VMA21: variants seen among roughly 807,000 people sequenced by gnomAD.
VMA21 encodes vacuolar ATPase assembly integral membrane protein VMA21.
For synonymous variants in VMA21, 47 were observed against 34.1 expected (o/e 1.38, Z -1.32); for missense variants, 61 against 80.6 (o/e 0.76, Z 0.93).
At position 151,405,374 on chromosome X, in the gene VMA21, T is replaced by C. The variant is rs2011279915; in HGVS notation, c.*316T>C. 1 of 193,690 alleles carries C rather than the reference T, an allele frequency of 5.2e-6. No individual in the cohort carries two copies. Among genetic ancestry groups the C allele is most frequent in the Admixed American group, 7.2e-5 (1 of 13,864 alleles). 16.0% of individuals were successfully genotyped at this position (193,690 alleles called of 1,213,427 possible). ...TTATAGTATTCTGACTTACGGTTGC[T>C]TTTGAGTTTTACTCATTTGGATATA... On this transcript the variant is annotated 3_prime_UTR_variant, in exon 3 of 3. Coordinates refer to ENST00000330374, the MANE Select transcript of VMA21 (RefSeq NM_001017980.4).
In VMA21 at chrX:151,404,754, A is replaced by C. The variant is rs568975153; in HGVS notation, c.164-162A>C. On this transcript the variant is annotated intron_variant, in intron 2 of 2. Transcript: ENST00000330374. ...TTCTTAATATATAGAAGGTACTCAT[A>C]TCTTTTAGTGAATACTTTATTCATT... is the stretch of plus-strand genomic sequence containing the variant. Among the ~76,000 whole-genome samples, 84 of 112,134 alleles carry C rather than the reference A, an allele frequency of 7.5e-4. No individual in the cohort carries two copies. The South Asian group carries it at 0.029, about 39-fold the overall frequency.
At chrX:151,398,471 T>G (rs1346039412) in intron 1 of VMA21, among the ~76,000 whole-genome samples, 5 of 111,338 alleles carry the variant, frequency 4.5e-5, no homozygotes, top group Admixed American at 9.6e-5. Context: ...TGTCTTAATT[T>G]GCTTAGAATA....
intron 1 of VMA21, among the ~76,000 whole-genome samples, chrX:151,399,107 A>G (rs1225259516): frequency 8.9e-6 from 1 of 112,288 alleles, no homozygotes; most frequent in Non-Finnish European, 1.9e-5. Context: ...CTAGTTTTCA[A>G]AAGTTTGTAT....
chrX:151,401,735 T>A (rs2011238420), intron 1 of VMA21, among the ~76,000 whole-genome samples: 2 of 111,819 alleles, frequency 1.8e-5, no homozygotes, highest in Admixed American at 1.9e-4. Context: ...ATCGCCTTGG[T>A]TAAATTTATT....
chrX:151,397,195 C>CGCGAACCGCTACTTCCGGT (rs1335933076), upstream of VMA21: 187 of 886,505 alleles, frequency 2.1e-4, no homozygotes, highest in African/African-American at 2.3e-3. Context: ...GCACTTCCGG[C>CGCGAACCGCTACTTCCGGT]GCGAACCGCT....
rs1193684791 is a variant in VMA21, at chrX:151,408,353, T to G, written c.*3295T>G. 8.9e-6 allele frequency: 1 copy of G among 112,245 alleles called. No homozygotes were observed. The highest frequency in any genetic ancestry group is 1.9e-5 in the Non-Finnish European group (1 of 53,284). The allele number at this position is 112,245 out of a possible 1,213,427, so 9.3% of individuals were successfully genotyped here. A position where few individuals can be genotyped will look rare whatever the true frequency, so the allele number is the denominator to read the frequency against. On this transcript the variant is annotated 3_prime_UTR_variant, in exon 3 of 3. Transcript: ENST00000330374. ...AAATCAGTTAAACAAGTAGGGTATA[T>G]ACAAAGAAAGATGAAACCCGAAAGT...
rs575878184 is a variant in VMA21 at position 151,401,922 on chromosome X, A to T, written c.54-1709A>T. 2.9e-4 allele frequency among the ~76,000 whole-genome samples: 31 copies of T among 108,766 alleles called. No homozygotes were observed. In the South Asian group the frequency reaches 0.011, roughly 40 times the overall value. The allele number at this position is 108,766 out of a possible 115,157, so 94.5% of individuals were successfully genotyped here. A position where few individuals can be genotyped will look rare whatever the true frequency, so the allele number is the denominator to read the frequency against. On this transcript the variant is annotated intron_variant, in intron 1 of 2. Transcript: ENST00000330374. ...CCACCATGCCCAGCGAATTATCAAA[A>T]TTTTTTTTTGTAGAGGTGGGGTTTT...
chrX:151,398,911 CA>C (rs2011215988), intron 1 of VMA21, among the ~76,000 whole-genome samples: 1 of 112,404 alleles, frequency 8.9e-6, no homozygotes, highest in Non-Finnish European at 1.9e-5. Context: ...TCTCATTCCT[CA>C]CTTCTAACAA....
At position 151,404,895 on chromosome X, in the gene VMA21, CTG is replaced by C. The variant is rs759922939; in HGVS notation, c.164-19_164-18del. 47 of 1,192,553 alleles carry C rather than the reference CTG, an allele frequency of 3.9e-5. No individual in the cohort carries two copies. The Admixed American group carries it at 4.5e-4, about 11-fold the overall frequency. On this transcript the variant is annotated intron_variant, in intron 2 of 2. Transcript: ENST00000330374. ...GGTAAATTTTGCAATAAAATGGAAA[CTG>C]TTTTTTTTCTCTTGATAGGCGCCCT...
intron 1 of VMA21, 124 bp downstream of exon 1, chrX:151,397,485 A>C: frequency 5.7e-6 from 4 of 701,559 alleles, no homozygotes; most frequent in Non-Finnish European, 8.1e-6. Flanking sequence ...GCCTCAGGGA[A>C]GGGGGCGGGG....
chrX:151,405,261 A>G lies in VMA21; in HGVS notation c.*203A>G, dbSNP rs1286866463. 1 of 352,852 alleles carries G rather than the reference A, an allele frequency of 2.8e-6. No individual in the cohort carries two copies. The highest frequency in any genetic ancestry group is 6.5e-5 in the African/African-American group (1 of 15,457). 29.1% of individuals were successfully genotyped at this position (352,852 alleles called of 1,213,427 possible). A position where few individuals can be genotyped will look rare whatever the true frequency, so the allele number is the denominator to read the frequency against. Reference sequence around the variant, plus strand: ...GTATGAATCTGATTTGCAAATGAGAATTTGGAAAAGTTAGTTACAAAGAAA... The same window carrying G: ...GTATGAATCTGATTTGCAAATGAGAGTTTGGAAAAGTTAGTTACAAAGAAA... On this transcript the variant is annotated 3_prime_UTR_variant, in exon 3 of 3. Coordinates refer to ENST00000330374, the MANE Select transcript of VMA21 (RefSeq NM_001017980.4).
Sources: allele counts gnomAD v4.1 joint callset (sites outside exome capture counted in the v4.1 genomes callset), GRCh38; gene constraint gnomAD v4.1.1; transcripts MANE v1.5; gene names NCBI Gene and HGNC (gene_info 2026-07-23, HGNC 2026-07-21).